THUMPD2: variants seen among roughly 807,000 people sequenced by gnomAD.
THUMPD2 encodes the protein THUMP domain 2 tRNA and snRNA guanosine methyltransferase, also known as U6 snRNA (guanine-N(2))-methyltransferase THUMPD2.
A neutral mutation model predicts 49.4 loss-of-function variants in THUMPD2; 56 were observed. The observed-to-expected ratio is 1.13, with a 90% CI of 0.91 to 1.41. The LOEUF (loss-of-function observed/expected upper bound fraction) is 1.41, where lower values mean the gene tolerates loss of function less well. Ranked by LOEUF, THUMPD2 falls within the 40% of genes most tolerant of loss-of-function variation. The probability of loss-of-function intolerance (pLI) is 0.00; values close to 1 mark genes in which losing one functional copy is unlikely to be tolerated. For missense variants in THUMPD2, 709 were observed against 594.5 expected (o/e 1.19, Z -2.00); for synonymous variants, 237 against 205.2 (o/e 1.15, Z -1.32).
intron 1 of THUMPD2, among the ~76,000 whole-genome samples, chr2:39,776,077 C>G (rs1270770270): frequency 6.6e-6 from 1 of 152,114 alleles, no homozygotes; most frequent in Non-Finnish European, 1.5e-5. Context: ...CTTAAAATAA[C>G]TGATCCTACT....
intron 8 of THUMPD2, among the ~76,000 whole-genome samples, chr2:39,755,034 CT>C (rs67098813): frequency 3.3e-5 from 5 of 151,274 alleles, no homozygotes; most frequent in African/African-American, 1.2e-4. Context: ...AGATGCAACA[CT>C]TTTTTTTTCT....
chr2:39,747,625 T>C (rs569453058), intron 8 of THUMPD2, among the ~76,000 whole-genome samples: 2 of 152,312 alleles, frequency 1.3e-5, no homozygotes, highest in East Asian at 1.9e-4. Context: ...TGAAAACGTA[T>C]CTGTGCAAAA....
intron 5 of THUMPD2, among the ~76,000 whole-genome samples, chr2:39,763,538 A>G (rs1677106233): frequency 6.6e-6 from 1 of 152,190 alleles, no homozygotes; most frequent in African/African-American, 2.4e-5. Flanking sequence ...AGTGACTAAT[A>G]CCAGTATTTA....
chr2:39,773,993 G>A (rs758765744), intron 1 of THUMPD2, among the ~76,000 whole-genome samples: 5 of 152,204 alleles, frequency 3.3e-5, no homozygotes, highest in Non-Finnish European at 2.9e-5. Flanking sequence ...GCTACTGTCT[G>A]GGTGAACCAT....
At chr2:39,760,283 A>T (rs1371466392) in intron 6 of THUMPD2, among the ~76,000 whole-genome samples, 1 of 152,136 alleles carries the variant, frequency 6.6e-6, no homozygotes, top group Non-Finnish European at 1.5e-5. Context: ...GTTGGGGAAA[A>T]TTGGAGTGCC....
intron 3 of THUMPD2, 142 bp from the exon 4 acceptor site, chr2:39,768,643 A>G (rs1177504283): frequency 1.6e-5 from 12 of 757,452 alleles, no homozygotes; most frequent in Non-Finnish European, 2.6e-5. Flanking sequence ...TTAAAATTGT[A>G]CATGAAAGCA....
At chr2:39,776,080 A>G (rs1490918591) in intron 1 of THUMPD2, among the ~76,000 whole-genome samples, 2 of 152,204 alleles carry the variant, frequency 1.3e-5, no homozygotes, top group African/African-American at 4.8e-5. Flanking sequence ...AAAATAACTG[A>G]TCCTACTACT....
chr2:39,757,306 A>T, intron 6 of THUMPD2: 2 of 1,008,840 alleles, frequency 2.0e-6, no homozygotes, highest in Non-Finnish European at 2.8e-6. Context: ...ACCACTTGAT[A>T]TGTCTACAGA....
At chr2:39,764,605 T>C (rs1354476689) in intron 5 of THUMPD2, among the ~76,000 whole-genome samples, 2 of 152,240 alleles carry the variant, frequency 1.3e-5, no homozygotes, top group African/African-American at 2.4e-5. Flanking sequence ...TTCATGGTGC[T>C]CTCTACTTTG....
chr2:39,751,681 A>ATTTTTTT (rs11284104), intron 8 of THUMPD2, among the ~76,000 whole-genome samples: 6 of 119,956 alleles, frequency 5.0e-5, no homozygotes, highest in East Asian at 2.6e-4. Flanking sequence ...ATATTAAAAG[A>ATTTTTTT]TTTTTTTTTT....
chr2:39,750,637 G>A (rs1303479680), intron 8 of THUMPD2, among the ~76,000 whole-genome samples: 4 of 151,968 alleles, frequency 2.6e-5, no homozygotes, highest in Non-Finnish European at 5.9e-5. Context: ...AACCTGGGAG[G>A]TGGAGGTTGC....
At chr2:39,768,977 G>A (rs1396913528) in intron 3 of THUMPD2, 7 of 1,304,418 alleles carry the variant, frequency 5.4e-6, no homozygotes, top group Non-Finnish European at 7.1e-6. Context: ...ACTTTGTAAG[G>A]GCCAACTGAT....
rs992853607 is a variant in THUMPD2 at position 39,767,342 on chromosome 2, C to T, written c.750+1082G>A. On this transcript the variant is annotated intron_variant, in intron 4 of 9. Transcript: ENST00000505747. ...AAAGGGGGCCGGGCGCGGTGGCTCA[C>T]GCCTGTAATCCCAGCACTTTGGGAG... Among the ~76,000 whole-genome samples the T allele has an allele frequency of 3.9e-4, 59 of 152,152 alleles. 1 individual carries two copies. The highest frequency in any genetic ancestry group is 1.2e-3 in the African/African-American group (49 of 41,502).
intron 4 of THUMPD2, among the ~76,000 whole-genome samples, chr2:39,766,484 G>A (rs866591740): frequency 1.3e-5 from 2 of 152,070 alleles, no homozygotes; most frequent in African/African-American, 4.8e-5. Flanking sequence ...TAGGATGCGA[G>A]GCCACACAGG....
At chr2:39,767,323 G>C (rs1016465275) in intron 4 of THUMPD2, among the ~76,000 whole-genome samples, 3 of 152,162 alleles carry the variant, frequency 2.0e-5, no homozygotes, top group Non-Finnish European at 2.9e-5. Context: ...TTGGAAAGGG[G>C]GCCGGGCGCG....
intron 1 of THUMPD2, among the ~76,000 whole-genome samples, chr2:39,776,129 ACAT>A (rs1679061784): frequency 6.6e-6 from 1 of 152,224 alleles, no homozygotes; most frequent in African/African-American, 2.4e-5. Context: ...AATACATTAA[ACAT>A]CATTATGAAG....
rs575968942 is a variant in THUMPD2 at position 39,744,667 on chromosome 2, T to C, written c.1079-189A>G. On this transcript the variant is annotated intron_variant, in intron 8 of 9. Transcript: ENST00000505747. ...AATCACTAATGATAAATGATAGTTA[T>C]TGTATTCTGTTCGTTGAAAATTGGT... 8.3e-4 allele frequency: 335 copies of C among 401,576 alleles called. 2 individuals are homozygous for C. The highest frequency in any genetic ancestry group is 1.3e-3 in the Non-Finnish European group (293 of 226,970). The allele number at this position is 401,576 out of a possible 1,614,324, so 24.9% of individuals were successfully genotyped here. A position where few individuals can be genotyped will look rare whatever the true frequency, so the allele number is the denominator to read the frequency against.
intron 9 of THUMPD2, among the ~76,000 whole-genome samples, chr2:39,737,323 T>C (rs1025069268): frequency 2.0e-5 from 3 of 152,100 alleles, no homozygotes; most frequent in Non-Finnish European, 4.4e-5. Flanking sequence ...GTCTAATAAA[T>C]GATTGTATAA....
chr2:39,737,906 G>C (rs77534850), intron 9 of THUMPD2, among the ~76,000 whole-genome samples: 2 of 152,176 alleles, frequency 1.3e-5, no homozygotes, highest in Non-Finnish European at 2.9e-5. Flanking sequence ...AGTCACAGCG[G>C]GTGGGAAGTG....
Sources: gnomAD v4.1 joint callset for allele counts (sites outside exome capture counted in the v4.1 genomes callset) on GRCh38, gnomAD v4.1.1 for gene constraint, MANE v1.5 for transcripts, NCBI Gene and HGNC (gene_info 2026-07-23, HGNC 2026-07-21) for gene names.